The following GRID2 variants were observed in gnomAD, a reference collection of about 807,000 sequenced individuals.
GRID2 encodes the protein glutamate ionotropic receptor delta type subunit 2.
A neutral mutation model predicts 114.8 loss-of-function variants in GRID2; 33 were observed. The observed-to-expected ratio is 0.29, with a 90% confidence interval of 0.22 to 0.38. The LOEUF (loss-of-function observed/expected upper bound fraction) is 0.38, where lower values mean the gene tolerates loss of function less well. Among genes scored for constraint, GRID2 ranks in the 10% least tolerant of loss-of-function variants. The pLI, the probability that GRID2 is intolerant of heterozygous loss-of-function variation, is 1.00. For missense variants in GRID2, 1,184 were observed against 1,257.7 expected, an observed-to-expected ratio of 0.94 and a Z score of 0.89; for synonymous variants, 505 against 449.9, an observed-to-expected ratio of 1.12 and a Z score of -1.55.
intron 1 of GRID2, among the ~76,000 whole-genome samples, chr4:92,346,406 C>T (rs1020408968): frequency 6.6e-6 from 1 of 151,930 alleles, no homozygotes; most frequent in African/African-American, 2.4e-5. Context: ...GCTCTGTTGC[C>T]CAGGCTAGAG....
intron 2 of GRID2, among the ~76,000 whole-genome samples, chr4:92,875,326 G>A (rs1442064903): frequency 2.0e-5 from 3 of 151,778 alleles, no homozygotes. Flanking sequence ...ACCACACCCG[G>A]CTAATTTTTT....
chr4:93,185,925 T>A (rs551967846), intron 4 of GRID2, among the ~76,000 whole-genome samples: 1 of 151,994 alleles, frequency 6.6e-6, no homozygotes, highest in Admixed American at 6.5e-5. Context: ...GGCCCCAGTG[T>A]GTGATGTTTC....
chr4:92,476,094 T>C (rs1039909865), intron 1 of GRID2, among the ~76,000 whole-genome samples: 28 of 150,634 alleles, frequency 1.9e-4, no homozygotes, highest in Non-Finnish European at 3.1e-4. Flanking sequence ...GGCGCAATCT[T>C]GGCTCACTGC....
At chr4:93,506,892 G>A (rs775235019) in intron 12 of GRID2, among the ~76,000 whole-genome samples, 9 of 152,144 alleles carry the variant, frequency 5.9e-5, no homozygotes, top group Non-Finnish European at 1.3e-4. Context: ...TAACAGGAAG[G>A]AAGACACAGC....
intron 9 of GRID2, among the ~76,000 whole-genome samples, chr4:93,398,509 G>A (rs947511516): frequency 1.3e-5 from 2 of 151,726 alleles, no homozygotes; most frequent in African/African-American, 2.4e-5. Context: ...AAATGCTTAC[G>A]TCTGAATAAG....
intron 14 of GRID2, among the ~76,000 whole-genome samples, chr4:93,633,898 A>AG (rs1448960516): frequency 5.3e-5 from 8 of 152,268 alleles, no homozygotes; most frequent in African/African-American, 1.9e-4. Flanking sequence ...CCATTCAGCA[A>AG]GGGGAAAAAA....
intron 1 of GRID2, among the ~76,000 whole-genome samples, chr4:92,498,526 A>G (rs1468433595): frequency 6.6e-6 from 1 of 151,984 alleles, no homozygotes; most frequent in East Asian, 1.9e-4. Flanking sequence ...ATTTTAAAAT[A>G]TCATTTGCTT....
chr4:93,372,918 A>G (rs1763064279), intron 8 of GRID2, among the ~76,000 whole-genome samples: 1 of 152,160 alleles, frequency 6.6e-6, no homozygotes, highest in South Asian at 2.1e-4. Context: ...TAGATGTGCA[A>G]TATATAAGTA....
chr4:92,488,703 G>A (rs562747887), intron 1 of GRID2, among the ~76,000 whole-genome samples: 11 of 152,208 alleles, frequency 7.2e-5, no homozygotes, highest in African/African-American at 2.4e-4. Context: ...GTAAAAGAAC[G>A]TACCTCTTGT....
chr4:92,430,255 T>C (rs148053955), intron 1 of GRID2, among the ~76,000 whole-genome samples: 62 of 152,276 alleles, frequency 4.1e-4, no homozygotes, highest in African/African-American at 1.3e-3. Flanking sequence ...ATTTAATCCT[T>C]CAATCCATTT....
At chr4:92,556,555 C>A (rs903598046) in intron 1 of GRID2, among the ~76,000 whole-genome samples, 1 of 151,888 alleles carries the variant, frequency 6.6e-6, no homozygotes, top group African/African-American at 2.4e-5. Context: ...AATATATTAG[C>A]TCATAGTTTT....
chr4:93,238,133 G>T (rs374854416), intron 7 of GRID2, among the ~76,000 whole-genome samples: 1 of 151,728 alleles, frequency 6.6e-6, no homozygotes, highest in Non-Finnish European at 1.5e-5. Flanking sequence ...GACTTTTGGG[G>T]TCTAAATTTC....
At chr4:92,351,266 C>T (rs1233339972) in intron 1 of GRID2, among the ~76,000 whole-genome samples, 1 of 151,782 alleles carries the variant, frequency 6.6e-6, no homozygotes, top group Admixed American at 6.6e-5. Flanking sequence ...TTTTCCAAAA[C>T]AGCTGCATTA....
At chr4:93,076,968 G>A (rs548386722) in intron 2 of GRID2, among the ~76,000 whole-genome samples, 1 of 152,160 alleles carries the variant, frequency 6.6e-6, no homozygotes, top group East Asian at 1.9e-4. Flanking sequence ...GTCTCTTCTA[G>A]TATGTAGCAG....
At chr4:92,341,657 A>C (rs1389083047) in intron 1 of GRID2, among the ~76,000 whole-genome samples, 1 of 152,116 alleles carries the variant, frequency 6.6e-6, no homozygotes, top group Non-Finnish European at 1.5e-5. Context: ...GTGGTGGCTC[A>C]CGTCTGTAAT....
intron 2 of GRID2, among the ~76,000 whole-genome samples, chr4:92,674,339 A>G (rs575314367): frequency 1.9e-4 from 29 of 151,742 alleles, no homozygotes; most frequent in African/African-American, 6.5e-4. Context: ...TCCTTTCTAT[A>G]CTTCAGTTCA....
chr4:92,723,773 A>G (rs950089043), intron 2 of GRID2, among the ~76,000 whole-genome samples: 7 of 152,178 alleles, frequency 4.6e-5, no homozygotes, highest in African/African-American at 1.7e-4. Flanking sequence ...AAAGCCTTCT[A>G]CAGACTTTGA....
intron 2 of GRID2, among the ~76,000 whole-genome samples, chr4:92,694,303 G>A (rs1436557318): frequency 6.6e-6 from 1 of 152,130 alleles, no homozygotes; most frequent in Non-Finnish European, 1.5e-5. Flanking sequence ...AGCTCTTCCA[G>A]GGAGCTAATT....
intron 1 of GRID2, among the ~76,000 whole-genome samples, chr4:92,559,633 A>T (rs2149180807): frequency 6.6e-6 from 1 of 152,306 alleles, no homozygotes; most frequent in South Asian, 2.1e-4. Flanking sequence ...CTTAGAGGGA[A>T]GAAAATCCCA....
Sources: gnomAD v4.1 joint callset for allele counts (sites outside exome capture counted in the v4.1 genomes callset) on GRCh38, gnomAD v4.1.1 for gene constraint, MANE v1.5 for transcripts, NCBI Gene and HGNC (gene_info 2026-07-23, HGNC 2026-07-21) for gene names.